TAT: variants seen among roughly 807,000 people sequenced by gnomAD.
The protein encoded by TAT is tyrosine aminotransferase, also known as L-tyrosine:2-oxoglutarate aminotransferase.
A neutral mutation model predicts 53.6 loss-of-function variants in TAT; 35 were observed. The ratio of observed to expected loss-of-function variants is 0.65; its 90% CI spans 0.50 to 0.87. TAT has a LOEUF of 0.87. Ranked by LOEUF, TAT falls within the 40% of genes least tolerant of loss-of-function variation. The pLI is 0.00. For missense variants in TAT, 525 were observed against 571.8 expected (o/e 0.92, Z 0.83); for synonymous variants, 197 against 206.5 (o/e 0.95, Z 0.39).
chr16:71,571,871 C>T (rs2044205669), intron 6 of TAT: 2 of 649,462 alleles, frequency 3.1e-6, no homozygotes, highest in Admixed American at 2.4e-5. Flanking sequence ...CATACTCTTC[C>T]AGAGTGCAGA....
chr16:71,570,123 A>G, intron 9 of TAT, 146 bp downstream of exon 9: 1 of 1,428,206 alleles, frequency 7.0e-7, no homozygotes, highest in Admixed American at 2.0e-5. Context: ...GCCGGAAGTG[A>G]GAAACGTGTG....
intron 4 of TAT, 32 bp downstream of exon 4, chr16:71,573,507 G>A (rs1367641520): frequency 1.3e-6 from 2 of 1,541,320 alleles, no homozygotes; most frequent in Admixed American, 2.0e-5. Flanking sequence ...GCCCTAAATT[G>A]CTTCAGAGCT....
Position 71,572,247 on chromosome 16 carries a change from A to G in TAT, c.645T>C (p.Asn215=). The part of the protein sequence containing the change: ...IDEKTACLIV[N]NPSNPCGSVF... Reference sequence around the variant, plus strand: ...CTGACCCACAGGGGTTTGATGGATTATTGACAATGAGACAAGCTGTCTTTT... The same window carrying G: ...CTGACCCACAGGGGTTTGATGGATTGTTGACAATGAGACAAGCTGTCTTTT... The change falls in exon 6 of 12, where the codon AAT becomes AAC. Residue 215 remains asparagine (N), a synonymous_variant. Coordinates refer to ENST00000355962, the MANE Select transcript of TAT (RefSeq NM_000353.3). 6.2e-7 allele frequency: 1 copy of G among 1,614,226 alleles called. No homozygotes were observed. Among genetic ancestry groups the G allele is most frequent in the Non-Finnish European group, 8.5e-7 (1 of 1,180,020 alleles).
At chr16:71,569,394 T>C (rs769233092) in intron 10 of TAT, among the ~76,000 whole-genome samples, 1 of 152,086 alleles carries the variant, frequency 6.6e-6, no homozygotes, top group Non-Finnish European at 1.5e-5. Flanking sequence ...GGGAGTACAG[T>C]GGCACGATTA....
Position 71,566,155 on chromosome 16 carries a change from C to T in TAT, c.*1989G>A, listed in dbSNP as rs567054763. The T allele has an allele frequency of 5.3e-5, 8 of 152,222 alleles. No homozygotes were observed. The highest frequency in any genetic ancestry group is 1.9e-4 in the African/African-American group (8 of 41,524). The allele number at this position is 152,222 out of a possible 1,614,324, so 9.4% of individuals were successfully genotyped here. A position where few individuals can be genotyped will look rare whatever the true frequency, so the allele number is the denominator to read the frequency against. ...CGGGAAACTGAAATCTTTATCTAAT[C>T]TCATCCTTTGTATATTCGTCTTGGA... On this transcript the variant is annotated 3_prime_UTR_variant, in exon 12 of 12. Transcript: ENST00000355962.
At chr16:71,573,948 CTGGGATT>C (rs2044220367) in intron 3 of TAT, among the ~76,000 whole-genome samples, 1 of 152,130 alleles carries the variant, frequency 6.6e-6, no homozygotes, top group East Asian at 1.9e-4. Context: ...CCTGAAAGTG[CTGGGATT>C]ACAGGGGTGA....
chr16:71,568,418 T>A, intron 11 of TAT, 134 bp from the exon 12 acceptor site: 1 of 867,320 alleles, frequency 1.2e-6, no homozygotes. Flanking sequence ...CTCCCATGAC[T>A]GGGATGCTAA....
rs1160335654 is a variant in TAT at position 71,568,805 on chromosome 16, C to T, written c.1130G>A (p.Gly377Glu). ...TTCTGGGAAATGTTCCATCTCAATT[C>T]CAACCTATACCAACAGGAGGGAGAG... The part of the protein sequence containing the change: ...RPSGAMYLMV[G>E]IEMEHFPEFE... The change falls in exon 11 of 12, where the codon GGA becomes GAA. Residue 377 changes from glycine to glutamate, a missense_variant. Transcript: ENST00000355962. The T allele has an allele frequency of 6.2e-7, 1 of 1,613,250 alleles. No homozygotes were observed. The highest frequency in any genetic ancestry group is 8.5e-7 in the Non-Finnish European group (1 of 1,179,582).
rs1477353838 is a variant in TAT at position 71,566,655 on chromosome 16, T to G, written c.*1489A>C. On this transcript the variant is annotated 3_prime_UTR_variant, in exon 12 of 12. Coordinates refer to ENST00000355962, the MANE Select transcript of TAT (RefSeq NM_000353.3). ...AGGCCAGAGGTTATAACTTACTGCCTCTTGGTAAGTAGGAAGCCAGAAGTT... is the reference window on the plus strand; with the variant it reads ...AGGCCAGAGGTTATAACTTACTGCCGCTTGGTAAGTAGGAAGCCAGAAGTT... 1 of 152,036 alleles carries G rather than the reference T, an allele frequency of 6.6e-6. No homozygotes were observed. The highest frequency in any genetic ancestry group is 2.4e-5 in the African/African-American group (1 of 41,402). The allele number at this position is 152,036 out of a possible 1,614,324, so 9.4% of individuals were successfully genotyped here. A position where few individuals can be genotyped will look rare whatever the true frequency, so the allele number is the denominator to read the frequency against.
rs2044191659 is a variant in TAT at position 71,570,184 on chromosome 16, A to G, written c.1041+85T>C. ...TCCTAATATTGGAACATGGCTCCAG[A>G]AAGGAGAACCAATTATTCCTAATTC... is the stretch of plus-strand genomic sequence containing the variant. On this transcript the variant is annotated intron_variant, in intron 9 of 11. Transcript: ENST00000355962. 9.4e-6 allele frequency: 15 copies of G among 1,601,938 alleles called. No individual in the cohort carries two copies. In the South Asian group the frequency reaches 1.4e-4, roughly 15 times the overall value.
At position 71,572,692 on chromosome 16, in the gene TAT, T is replaced by C. The variant is rs781177511; in HGVS notation, c.409-4A>G. 6 of 1,614,148 alleles carry C rather than the reference T, an allele frequency of 3.7e-6. No homozygotes were observed. Among genetic ancestry groups the C allele is most frequent in the African/African-American group, 1.3e-5 (1 of 75,038 alleles). ...AGCCACTTGTCAGAATGACGTCCTGTGAAGGAAATAAAAGGTTAATTTCAT... is the reference window on the plus strand; with the variant it reads ...AGCCACTTGTCAGAATGACGTCCTGCGAAGGAAATAAAAGGTTAATTTCAT... On this transcript the variant is annotated splice_region_variant and splice_polypyrimidine_tract_variant and intron_variant, in intron 4 of 11. Coordinates refer to ENST00000355962, the MANE Select transcript of TAT (RefSeq NM_000353.3).
intron 3 of TAT, chr16:71,575,183 T>G (rs539490482): frequency 1.3e-5 from 2 of 152,250 alleles, no homozygotes; most frequent in Non-Finnish European, 2.9e-5. Context: ...TAAAGTGTTT[T>G]TAAAATTTGA....
rs2044159916 is a variant in TAT at position 71,565,877 on chromosome 16, G to A, written c.*2267C>T. 6.6e-6 allele frequency: 1 copy of A among 152,176 alleles called. No homozygotes were observed. Among genetic ancestry groups the A allele is most frequent in the Non-Finnish European group, 1.5e-5 (1 of 68,030 alleles). 9.4% of individuals were successfully genotyped at this position (152,176 alleles called of 1,614,324 possible). Reference sequence around the variant, plus strand: ...GTTTGAAATTGTCCAGTGTGTATGTGTTCTTTTCAAATGTTTGAAGAACCA... The same window carrying A: ...GTTTGAAATTGTCCAGTGTGTATGTATTCTTTTCAAATGTTTGAAGAACCA... On this transcript the variant is annotated 3_prime_UTR_variant, in exon 12 of 12. Coordinates refer to ENST00000355962, the MANE Select transcript of TAT (RefSeq NM_000353.3).
At position 71,566,174 on chromosome 16, in the gene TAT, T is replaced by C. The variant is rs541952480; in HGVS notation, c.*1970A>G. 6.6e-6 allele frequency: 1 copy of C among 152,244 alleles called. No homozygotes were observed. The highest frequency in any genetic ancestry group is 1.5e-5 in the Non-Finnish European group (1 of 68,018). 9.4% of individuals were successfully genotyped at this position (152,244 alleles called of 1,614,324 possible). ...TCTAATCTCATCCTTTGTATATTCG[T>C]CTTGGATTTGCTGAAGAAAATTAAA... is the stretch of plus-strand genomic sequence containing the variant. On this transcript the variant is annotated 3_prime_UTR_variant, in exon 12 of 12. Coordinates refer to ENST00000355962, the MANE Select transcript of TAT (RefSeq NM_000353.3).
chr16:71,576,540 C>G, intron 1 of TAT, 113 bp from the exon 2 acceptor site: 2 of 895,830 alleles, frequency 2.2e-6, no homozygotes, highest in Admixed American at 4.2e-5. Flanking sequence ...TTTCCAAACT[C>G]TCTCTTTATT....
At chr16:71,569,982 A>C in intron 9 of TAT, 45 bp from the exon 10 acceptor site, 1 of 1,570,700 alleles carries the variant, frequency 6.4e-7, no homozygotes, top group Non-Finnish European at 8.7e-7. Flanking sequence ...AATTTAAGTA[A>C]AAGAAAAGCC....
intron 10 of TAT, among the ~76,000 whole-genome samples, chr16:71,569,653 T>G (rs1345105332): frequency 6.6e-6 from 1 of 152,182 alleles, no homozygotes; most frequent in South Asian, 2.1e-4. Flanking sequence ...ATTAAGTCAT[T>G]TAAAGAGTTT....
chr16:71,573,522 TC>T lies in TAT; in HGVS notation c.408+16del, dbSNP rs754917759. On this transcript the variant is annotated intron_variant, in intron 4 of 11. Coordinates refer to ENST00000355962, the MANE Select transcript of TAT (RefSeq NM_000353.3). ...GCCCTAAATTGCTTCAGAGCTGGTG[TC>T]TTGTATAAGGCTCACCTTAGCTTCT... 26 of 1,551,616 alleles carry T rather than the reference TC, an allele frequency of 1.7e-5. No individual in the cohort carries two copies. In the South Asian group the frequency reaches 2.7e-4, roughly 16 times the overall value.
At chr16:71,573,793 G>A (rs2044219132) in intron 3 of TAT, among the ~76,000 whole-genome samples, 187 bp from the exon 4 acceptor site, 1 of 152,040 alleles carries the variant, frequency 6.6e-6, no homozygotes, top group Non-Finnish European at 1.5e-5. Context: ...CCCACATTCA[G>A]CTAATTTTTG....
Sources: gnomAD v4.1 joint callset for allele counts (sites outside exome capture counted in the v4.1 genomes callset) on GRCh38, gnomAD v4.1.1 for gene constraint, MANE v1.5 for transcripts, NCBI Gene and HGNC (gene_info 2026-07-23, HGNC 2026-07-21) for gene names.